TRPM5: variants seen among roughly 807,000 people sequenced by gnomAD.
TRPM5 encodes the protein MLSN1 and TRP-related.
TRPM5 carries 121 observed loss-of-function variants against 124.9 expected under a neutral mutation model. The observed-to-expected ratio is 0.97, with a 90% CI of 0.84 to 1.13. TRPM5 has a LOEUF of 1.13. Among genes scored for constraint, TRPM5 ranks in the 50% most tolerant of loss-of-function variants. The pLI is 0.00. For synonymous variants in TRPM5, 781 were observed against 700.5 expected, an observed-to-expected ratio of 1.11 and a Z score of -1.81; for missense variants, 1,643 against 1,589.1, an observed-to-expected ratio of 1.03 and a Z score of -0.58.
intron 5 of TRPM5, 36 bp from the exon 11 acceptor site, chr11:2,418,394 T>C (rs1371799407): frequency 6.5e-7 from 1 of 1,532,186 alleles, no homozygotes; most frequent in Admixed American, 2.0e-5. Context: ...GGACCCCAGA[T>C]TAGCCCGACG....
At chr11:2,422,415 A>G in intron 1 of TRPM5, 94 bp from the exon 7 acceptor site, 2 of 718,368 alleles carry the variant, frequency 2.8e-6, no homozygotes, top group African/African-American at 2.9e-5. Context: ...GGCACTGGGG[A>G]GGTGCTGAGC....
chr11:2,409,348 C>A (rs185800884), intron 18 of TRPM5, among the ~76,000 whole-genome samples: 2 of 152,174 alleles, frequency 1.3e-5, no homozygotes, highest in Admixed American at 1.3e-4. Flanking sequence ...TTTGTGAAGC[C>A]GTAAATCTGT....
At chr11:2,419,245 G>A (rs947997278) in intron 4 of TRPM5, among the ~76,000 whole-genome samples, 4 of 152,116 alleles carry the variant, frequency 2.6e-5, no homozygotes, top group African/African-American at 7.2e-5. Context: ...CAGGGCTTCC[G>A]CAGAGCAGAG....
intron 18 of TRPM5, among the ~76,000 whole-genome samples, chr11:2,408,953 C>T (rs532186209): frequency 1.2e-4 from 19 of 152,348 alleles, no homozygotes; most frequent in East Asian, 3.9e-4. Flanking sequence ...CTGGCACACA[C>T]GGGCACATTC....
At chr11:2,439,183 G>A in the TRPM5 span, among the ~76,000 whole-genome samples, 1 of 152,132 alleles carries the variant, frequency 6.6e-6, no homozygotes, top group Non-Finnish European at 1.5e-5. Flanking sequence ...GACACAAGAT[G>A]GATTAAAGAT....
At chr11:2,418,058 C>T in intron 6 of TRPM5, 109 bp downstream of exon 11, 1 of 1,127,970 alleles carries the variant, frequency 8.9e-7, no homozygotes, top group Non-Finnish European at 1.3e-6. Context: ...GGCCCAGCAG[C>T]CTGAGGTGGG....
Position 2,406,644 on chromosome 11 carries a change from A to G in TRPM5, c.3251+17T>C. 1 of 1,591,156 alleles carries G rather than the reference A, an allele frequency of 6.3e-7. No homozygotes were observed. ...GACAGCCCGATACCCACCAGTGATC[A>G]GGACAGGCCCCCGCACCTGTGGGCG... On this transcript the variant is annotated intron_variant, in intron 21 of 23. Coordinates refer to ENST00000155858, the Ensembl canonical transcript of TRPM5.
upstream of TRPM5, among the ~76,000 whole-genome samples, chr11:2,423,748 T>G (rs1845805864): frequency 1.3e-5 from 2 of 152,168 alleles, no homozygotes; most frequent in Admixed American, 1.3e-4. Flanking sequence ...CTCATGGGGC[T>G]CATGTCTCCC....
intron 21 of TRPM5, among the ~76,000 whole-genome samples, chr11:2,406,439 G>T (rs557012700): frequency 6.6e-5 from 10 of 152,098 alleles, no homozygotes; most frequent in Admixed American, 6.5e-4. Context: ...CAGGGAGGGC[G>T]CCACGGTCAC....
chr11:2,406,578 G>A, intron 21 of TRPM5, 83 bp downstream of exon 26: 1 of 1,509,088 alleles, frequency 6.6e-7, no homozygotes, highest in Non-Finnish European at 8.9e-7. Flanking sequence ...CGCCAGCTCA[G>A]ATCCTCTGTC....
At chr11:2,418,431 C>T in intron 5 of TRPM5, 73 bp from the exon 11 acceptor site, 6 of 1,494,788 alleles carry the variant, frequency 4.0e-6, no homozygotes, top group South Asian at 1.2e-5. Flanking sequence ...GTCAGGGGTG[C>T]CCCCATCCCT....
the TRPM5 span, among the ~76,000 whole-genome samples, chr11:2,444,147 T>C: frequency 6.9e-6 from 1 of 145,280 alleles, no homozygotes; most frequent in Non-Finnish European, 1.5e-5. Flanking sequence ...CAGCTCCCAC[T>C]GGGAGGTACC....
intron 23 of TRPM5, 39 bp from the exon 29 acceptor site, chr11:2,405,082 G>C: frequency 6.4e-7 from 1 of 1,563,658 alleles, no homozygotes; most frequent in Non-Finnish European, 8.8e-7. Context: ...GTGGGAACCA[G>C]CAAGGCAGGC....
upstream of TRPM5, among the ~76,000 whole-genome samples, chr11:2,424,863 G>A (rs1226707567): frequency 6.6e-6 from 1 of 152,240 alleles, no homozygotes; most frequent in African/African-American, 2.4e-5. Context: ...GACTTCTGGT[G>A]ACTGCCAGCC....
At position 2,418,239 on chromosome 11, in the gene TRPM5, G is replaced by A. The variant is rs144087017; in HGVS notation, c.834C>T (p.Ala278=). 1.3e-4 allele frequency: 201 copies of A among 1,586,016 alleles called. No individual in the cohort carries two copies. In the East Asian group the frequency reaches 3.7e-3, roughly 29 times the overall value. ...GGAACTTCTCCTTAAACTGCTTCTC[G>A]GCCACCTTGGGCACCAGGAGGTGGG... The change falls in exon 6 of 24, where the codon GCC becomes GCT. Residue 278 remains alanine, a synonymous_variant. Transcript: ENST00000155858.
At chr11:2,431,114 TA>T in the TRPM5 span, among the ~76,000 whole-genome samples, 1 of 152,118 alleles carries the variant, frequency 6.6e-6, no homozygotes, top group Non-Finnish European at 1.5e-5. Flanking sequence ...CTTTGTCCCC[TA>T]GCATGGCTGA....
exon 24 of TRPM5, chr11:2,404,702 T>C: frequency 1.9e-6 from 1 of 518,324 alleles, no homozygotes; most frequent in Non-Finnish European, 3.4e-6. Flanking sequence ...GCCCGGGGAG[T>C]TGTGCCTGTC....
chr11:2,422,957 T>C lies in TRPM5; in HGVS notation c.80A>G (p.Glu27Gly), dbSNP rs766435836. Reference sequence around the variant, plus strand: ...CTTCCCAGACCCTCCAAAGTTGACCTCGCCCCTGTGCAAGCCCAGCTCCCG... The same window carrying C: ...CTTCCCAGACCCTCCAAAGTTGACCCCGCCCCTGTGCAAGCCCAGCTCCCG... Residue 27 changes from glutamate (E) to glycine (G), a missense_variant, in exon 1 of 24, where the codon GAG (glutamate) becomes GGG (glycine). By Grantham distance (98) the Glu-to-Gly change is moderately conservative. Transcript: ENST00000155858. 2.5e-6 allele frequency: 4 copies of C among 1,613,074 alleles called. No individual in the cohort carries two copies. The East Asian group carries it at 8.9e-5, about 36-fold the overall frequency.
In TRPM5 at chr11:2,422,912, G is replaced by T. The variant is rs376236958; in HGVS notation, c.117+8C>A. On this transcript the variant is annotated splice_region_variant and intron_variant, in intron 1 of 23. Transcript: ENST00000155858. ...GGACATCACCTGAGGCCTGGGGCCT[G>T]CCCTTACCTTGCCTCGCTTCTTCCC... The T allele has an allele frequency of 9.9e-6, 16 of 1,610,780 alleles. No homozygotes were observed. The highest frequency in any genetic ancestry group is 1.7e-5 in the Admixed American group (1 of 60,010).
Sources: gnomAD v4.1 joint callset for allele counts (sites outside exome capture counted in the v4.1 genomes callset) on GRCh38, gnomAD v4.1.1 for gene constraint, MANE v1.5 for transcripts, NCBI Gene and HGNC (gene_info 2026-07-23, HGNC 2026-07-21) for gene names.